Variants in ZRANB2 observed in about 807,000 individuals in gnomAD.
ZRANB2 encodes zinc finger Ran-binding domain-containing protein 2.
Under a neutral mutation model 53.4 loss-of-function variants are expected in ZRANB2, and 19 were observed. That is an observed-to-expected ratio of 0.36 (90% CI 0.25 to 0.52). The LOEUF is 0.52. ZRANB2 is among the 20% of genes least tolerant of loss of function. The pLI, the probability that ZRANB2 is intolerant of heterozygous loss-of-function variation, is 0.93. For missense variants in ZRANB2, 309 were observed against 401.1 expected, an observed-to-expected ratio of 0.77 and a Z score of 1.96; for synonymous variants, 145 against 134.8, an observed-to-expected ratio of 1.08 and a Z score of -0.52.
At chr1:71,065,705 G>A in intron 9 of ZRANB2, 1 of 1,612,362 alleles carries the variant, frequency 6.2e-7, no homozygotes, top group Non-Finnish European at 8.5e-7. Flanking sequence ...GTTCCGTAGG[G>A]GTTGGCCCTG....
intron 1 of ZRANB2, among the ~76,000 whole-genome samples, chr1:71,079,220 C>A (rs1661779282): frequency 6.6e-6 from 1 of 152,044 alleles, no homozygotes; most frequent in African/African-American, 2.4e-5. Context: ...CAAAAAGATT[C>A]AATAATTGTA....
In ZRANB2 at chr1:71,078,480, A is replaced by G; in HGVS notation, c.195T>C (p.Ser65=). 6.2e-7 allele frequency: 1 copy of G among 1,613,976 alleles called. No homozygotes were observed. Among genetic ancestry groups the G allele is most frequent in the Non-Finnish European group, 8.5e-7 (1 of 1,179,898 alleles). ...TLAEKSRGLF[S]ANDWQCKTCS... ...ACGTTTTACATTGCCAGTCATTAGC[A>G]CTAAATAGGCCTCGGCTCTTTTCTG... The change falls in exon 3 of 10, where the codon AGT becomes AGC. Residue 65 remains serine (S), a synonymous_variant. Transcript: ENST00000370920.
At chr1:71,065,933 A>T in intron 9 of ZRANB2, 2 of 804,726 alleles carry the variant, frequency 2.5e-6, no homozygotes, top group Non-Finnish European at 3.7e-6. Flanking sequence ...GTGAAATCTT[A>T]ACATCTAAAC....
At chr1:71,076,546 A>G (rs867424163) in intron 4 of ZRANB2, among the ~76,000 whole-genome samples, 1 of 152,190 alleles carries the variant, frequency 6.6e-6, no homozygotes, top group African/African-American at 2.4e-5. Context: ...GAGGAGGAGA[A>G]TATTTCTGAA....
chr1:71,067,028 T>C, intron 8 of ZRANB2, 94 bp from the exon 9 acceptor site: 1 of 1,252,532 alleles, frequency 8.0e-7, no homozygotes, highest in Non-Finnish European at 1.1e-6. Flanking sequence ...TAAACAGGAT[T>C]TATAACAACT....
At position 71,070,915 on chromosome 1, in the gene ZRANB2, T is replaced by TAAAAA; in HGVS notation, c.594_595insTTTTT (p.Asn199PhefsTer142). 1 of 1,611,564 alleles carries TAAAAA rather than the reference T, an allele frequency of 6.2e-7. No individual in the cohort carries two copies. The highest frequency in any genetic ancestry group is 8.5e-7 in the Non-Finnish European group (1 of 1,178,860). The stretch of plus-strand genomic sequence containing the variant: ...CGAGACTTTGAGCGACTTCGTCTAT[T>TAAAAA]AGATTTCTTTTTATTACTATCTTCT... On this transcript the variant is annotated frameshift_variant, in exon 7 of 10. Coordinates refer to ENST00000370920, the MANE Select transcript of ZRANB2 (RefSeq NM_203350.3). LOFTEE classifies it high-confidence loss of function.
chr1:71,074,783 A>C (rs1261996931), intron 4 of ZRANB2, among the ~76,000 whole-genome samples: 1 of 152,180 alleles, frequency 6.6e-6, no homozygotes, highest in Non-Finnish European at 1.5e-5. Flanking sequence ...GAGGTAGTGA[A>C]TCACATTCTC....
intron 7 of ZRANB2, among the ~76,000 whole-genome samples, chr1:71,070,195 A>G (rs1182172560): frequency 6.6e-6 from 1 of 152,174 alleles, no homozygotes; most frequent in Non-Finnish European, 1.5e-5. Flanking sequence ...ACACTGTTAA[A>G]TTTAAATCAC....
intron 8 of ZRANB2, 128 bp downstream of exon 8, chr1:71,069,148 A>T: frequency 1.5e-6 from 1 of 664,206 alleles, no homozygotes; most frequent in Non-Finnish European, 2.5e-6. Context: ...AGGCAAGTGC[A>T]TTAGTTTTCT....
intron 9 of ZRANB2, chr1:71,065,563 T>G: frequency 7.1e-7 from 1 of 1,406,990 alleles, no homozygotes; most frequent in Non-Finnish European, 9.3e-7. Flanking sequence ...AAGGCTTCTG[T>G]GTATGAGAAA....
At position 71,078,619 on chromosome 1, in the gene ZRANB2, A is replaced by G. The variant is rs777764944; in HGVS notation, c.109+37T>C. 3.1e-6 allele frequency: 5 copies of G among 1,608,180 alleles called. No homozygotes were observed. In the South Asian group the frequency reaches 4.4e-5, roughly 14 times the overall value. On this transcript the variant is annotated intron_variant, in intron 2 of 9. Transcript: ENST00000370920. ...ACCTGGAGAAATAAATAAATGATAC[A>G]TATACAGTATAAATAGAATCTTCTT...
intron 7 of ZRANB2, among the ~76,000 whole-genome samples, chr1:71,070,273 C>CACA (rs202102407): frequency 2.1e-4 from 1 of 4,860 alleles, no homozygotes; most frequent in Non-Finnish European, 2.9e-3. Flanking sequence ...TATTTTACAT[C>CACA]AACAAACAAT....
chr1:71,076,152 CAGAT>C (rs1414880506), intron 4 of ZRANB2, among the ~76,000 whole-genome samples: 5 of 152,086 alleles, frequency 3.3e-5, no homozygotes, highest in Admixed American at 1.3e-4. Flanking sequence ...TTTAAGTAAA[CAGAT>C]AATGTGGTTG....
intron 6 of ZRANB2, 68 bp from the exon 7 acceptor site, chr1:71,071,064 T>G: frequency 7.2e-7 from 1 of 1,385,240 alleles, no homozygotes; most frequent in Non-Finnish European, 9.5e-7. Flanking sequence ...GATAAAACAG[T>G]TAGGTGTACT....
intron 9 of ZRANB2, chr1:71,065,937 T>C: frequency 2.6e-6 from 2 of 781,612 alleles, no homozygotes; most frequent in Non-Finnish European, 1.9e-6. Flanking sequence ...AATCTTAACA[T>C]CTAAACTCCA....
At chr1:71,067,002 C>A in intron 8 of ZRANB2, 68 bp from the exon 9 acceptor site, 1 of 1,411,324 alleles carries the variant, frequency 7.1e-7, no homozygotes, top group East Asian at 2.5e-5. Context: ...ATTTAGTTAT[C>A]AGATAGCTCC....
chr1:71,080,245 T>C lies in ZRANB2; in HGVS notation c.56+695A>G, dbSNP rs542705495. Among the ~76,000 whole-genome samples the C allele has an allele frequency of 5.9e-5, 9 of 152,280 alleles. No homozygotes were observed. In the South Asian group the frequency reaches 1.7e-3, roughly 28 times the overall value. On this transcript the variant is annotated intron_variant, in intron 1 of 9. Transcript: ENST00000370920. The stretch of plus-strand genomic sequence containing the variant: ...TCTGATTAACTATCTAGTCGAGTAC[T>C]GGCTTTGGCAACAATGTCAAAAAGC...
chr1:71,069,182 T>C, intron 8 of ZRANB2, 94 bp downstream of exon 8: 2 of 1,010,808 alleles, frequency 2.0e-6, no homozygotes, highest in Non-Finnish European at 2.9e-6. Context: ...AATCGACAAG[T>C]AGAAGCAAAA....
intron 8 of ZRANB2, 124 bp from the exon 9 acceptor site, chr1:71,067,058 GAATA>G: frequency 2.3e-6 from 2 of 883,068 alleles, no homozygotes; most frequent in Non-Finnish European, 3.2e-6. Flanking sequence ...TTATAAGGAA[GAATA>G]CTTACTGCTT....
Sources: allele counts gnomAD v4.1 joint callset (sites outside exome capture counted in the v4.1 genomes callset), GRCh38; gene constraint gnomAD v4.1.1; transcripts MANE v1.5; gene names NCBI Gene and HGNC (gene_info 2026-07-23, HGNC 2026-07-21).